MIS18BP1: variants seen among roughly 807,000 people sequenced by gnomAD.
The protein encoded by MIS18BP1 is mis18-binding protein 1.
A neutral mutation model predicts 116.1 loss-of-function variants in MIS18BP1; 72 were observed. That is an observed-to-expected ratio of 0.62 (90% CI 0.51 to 0.75). The LOEUF is 0.75. Among genes scored for constraint, MIS18BP1 ranks in the 30% least tolerant of loss-of-function variants. The probability of loss-of-function intolerance (pLI) is 0.00; values close to 1 mark genes in which losing one functional copy is unlikely to be tolerated. For missense variants in MIS18BP1, 1,363 were observed against 1,303.2 expected (o/e 1.05, Z -0.71); for synonymous variants, 386 against 427.0 (o/e 0.90, Z 1.18).
chr14:45,247,346 C>A lies in MIS18BP1; in HGVS notation c.-60G>T. 2.1e-6 allele frequency: 3 copies of A among 1,414,692 alleles called. No individual in the cohort carries two copies. The highest frequency in any genetic ancestry group is 2.8e-6 in the Non-Finnish European group (3 of 1,058,302). 87.6% of individuals were successfully genotyped at this position (1,414,692 alleles called of 1,614,324 possible). On this transcript the variant is annotated 5_prime_UTR_variant, in exon 2 of 17. Coordinates refer to ENST00000310806, the MANE Select transcript of MIS18BP1 (RefSeq NM_018353.5). ...AGAAAATTCACTTAAGCGCAATTTT[C>A]AGATAGAACTTCAGAAGGGATCCAC...
At chr14:45,234,672 G>T (rs1891375252) in intron 6 of MIS18BP1, among the ~76,000 whole-genome samples, 1 of 152,120 alleles carries the variant, frequency 6.6e-6, no homozygotes, top group Admixed American at 6.5e-5. Flanking sequence ...AAATATGGTA[G>T]GATACCAAGC....
In MIS18BP1 at chr14:45,204,192, T is replaced by C. The variant is rs371232277; in HGVS notation, c.3316A>G (p.Ile1106Val). ...ACAGCATTAGTGAAAAGTTTTCCAATACCAGAGTTTTCTCCTAAGTCTGTA... is the reference window on the plus strand; with the variant it reads ...ACAGCATTAGTGAAAAGTTTTCCAACACCAGAGTTTTCTCCTAAGTCTGTA... ...FNTDLGENSG[I>V]GKLFTNAVES... Residue 1106 changes from isoleucine (I) to valine (V), a missense_variant, in exon 17 of 17, where the codon ATT becomes GTT. Coordinates refer to ENST00000310806, the MANE Select transcript of MIS18BP1 (RefSeq NM_018353.5). The C allele has an allele frequency of 6.8e-6, 11 of 1,610,048 alleles. No individual in the cohort carries two copies. Among genetic ancestry groups the C allele is most frequent in the Non-Finnish European group, 9.3e-6 (11 of 1,178,696 alleles).
chr14:45,223,445 C>T (rs1044216332), intron 11 of MIS18BP1, among the ~76,000 whole-genome samples: 3 of 152,218 alleles, frequency 2.0e-5, no homozygotes, highest in Non-Finnish European at 2.9e-5. Flanking sequence ...GGCGTGGCAG[C>T]GTGCGCCTGT....
intron 14 of MIS18BP1, among the ~76,000 whole-genome samples, chr14:45,208,026 G>A (rs1055345287): frequency 2.0e-5 from 3 of 152,150 alleles, no homozygotes; most frequent in Non-Finnish European, 4.4e-5. Context: ...CTGGTGATGT[G>A]TAAGTTAAGA....
chr14:45,246,663 T>C, intron 2 of MIS18BP1, 80 bp downstream of exon 2: 3 of 1,361,076 alleles, frequency 2.2e-6, no homozygotes, highest in South Asian at 3.2e-5. Flanking sequence ...TTCACTGCTA[T>C]ATTCTGAGCA....
chr14:45,244,094 T>C (rs1249134653), intron 2 of MIS18BP1, among the ~76,000 whole-genome samples: 1 of 152,206 alleles, frequency 6.6e-6, no homozygotes, highest in Non-Finnish European at 1.5e-5. Flanking sequence ...GTCACTGTCT[T>C]GGAAATGCAA....
At position 45,247,371 on chromosome 14, in the gene MIS18BP1, C is replaced by T; in HGVS notation, c.-85G>A. The T allele has an allele frequency of 8.6e-7, 1 of 1,161,380 alleles. No individual in the cohort carries two copies. The highest frequency in any genetic ancestry group is 1.2e-6 in the Non-Finnish European group (1 of 838,120). The allele number at this position is 1,161,380 out of a possible 1,614,324, so 71.9% of individuals were successfully genotyped here. A position where few individuals can be genotyped will look rare whatever the true frequency, so the allele number is the denominator to read the frequency against. On this transcript the variant is annotated 5_prime_UTR_variant, in exon 2 of 17. In the 5' UTR this introduces an upstream ATG that the reference lacks. Transcript: ENST00000310806. ...CAGATAGAACTTCAGAAGGGATCCA[C>T]AGAAACCTGTAGTTCAACGTAAAAT... is the stretch of plus-strand genomic sequence containing the variant.
intron 14 of MIS18BP1, among the ~76,000 whole-genome samples, chr14:45,207,861 A>G (rs146684773): frequency 3.9e-5 from 6 of 152,316 alleles, no homozygotes; most frequent in African/African-American, 1.4e-4. Context: ...TTTTTTAAGA[A>G]AAAAGTTTCA....
intron 14 of MIS18BP1, among the ~76,000 whole-genome samples, chr14:45,207,241 C>G (rs1383402109): frequency 6.6e-6 from 1 of 152,170 alleles, no homozygotes; most frequent in Non-Finnish European, 1.5e-5. Context: ...ACCTGAGTAT[C>G]CTCTGTTCTT....
At chr14:45,214,102 A>G (rs112746409) in intron 13 of MIS18BP1, among the ~76,000 whole-genome samples, 12,599 of 152,162 alleles carry the variant, frequency 0.083, 646 homozygotes, top group South Asian at 0.16. Flanking sequence ...GCCTCGTGGG[A>G]AGGGAAAGAC....
intron 13 of MIS18BP1, among the ~76,000 whole-genome samples, chr14:45,213,630 T>C (rs945687997): frequency 6.6e-6 from 1 of 152,138 alleles, no homozygotes; most frequent in Non-Finnish European, 1.5e-5. Context: ...TACAAACAAA[T>C]CTGACCCTTC....
chr14:45,250,074 T>C (rs1375256323), intron 1 of MIS18BP1: 1 of 152,186 alleles, frequency 6.6e-6, no homozygotes, highest in East Asian at 1.9e-4. Flanking sequence ...AGTCAGATAA[T>C]TGTGGTCACG....
Position 45,224,628 on chromosome 14 carries a change from T to A in MIS18BP1, c.1959A>T (p.Thr653=), listed in dbSNP as rs1891075683. 6.2e-7 allele frequency: 1 copy of A among 1,613,478 alleles called. No homozygotes were observed. The highest frequency in any genetic ancestry group is 1.7e-5 in the Admixed American group (1 of 59,964). The part of the protein sequence containing the change: ...INQKKAYILV[T]PLKSRKVIEQ... The stretch of plus-strand genomic sequence containing the variant: ...CTATCACTTTTCTAGATTTAAGTGG[T>A]GTTACTAAAATATAAGCTTTCTTCT... Residue 653 remains threonine (T), a synonymous_variant, in exon 11 of 17, where the codon ACA becomes ACT. Transcript: ENST00000310806.
intron 15 of MIS18BP1, 99 bp from the exon 16 acceptor site, chr14:45,204,552 A>C (rs565618438): frequency 1.3e-6 from 1 of 759,508 alleles, no homozygotes; most frequent in Non-Finnish European, 2.1e-6. Flanking sequence ...GATTACTTTG[A>C]ACATATGCCT....
intron 8 of MIS18BP1, among the ~76,000 whole-genome samples, chr14:45,229,504 A>C: frequency 7.1e-6 from 1 of 140,760 alleles, no homozygotes; most frequent in East Asian, 2.0e-4. Context: ...ACCCTGTCTC[A>C]AAAAAAAAAA....
chr14:45,214,058 C>T (rs912930465), intron 13 of MIS18BP1, among the ~76,000 whole-genome samples: 4 of 152,174 alleles, frequency 2.6e-5, no homozygotes, highest in Admixed American at 6.5e-5. Flanking sequence ...AGGTATTGTC[C>T]AAGGTTTCTC....
rs759937479 is a variant in MIS18BP1 at position 45,247,016 on chromosome 14, C to T, written c.271G>A (p.Asp91Asn). The T allele has an allele frequency of 1.9e-6, 3 of 1,613,380 alleles. No homozygotes were observed. The highest frequency in any genetic ancestry group is 2.5e-6 in the Non-Finnish European group (3 of 1,179,900). ...TTGTTGGGCTTTATAGCACTGATATCAAGAGAACTGTTAGAGGTAGTAGCC... is the reference window on the plus strand; with the variant it reads ...TTGTTGGGCTTTATAGCACTGATATTAAGAGAACTGTTAGAGGTAGTAGCC... ...TEATTSNSSL[D>N]ISAIKPNKDG... The change falls in exon 2 of 17, where the codon GAT (aspartate) becomes AAT (asparagine). Residue 91 changes from aspartate to asparagine, a missense_variant. Transcript: ENST00000310806.
Position 45,242,889 on chromosome 14 carries a change from T to G in MIS18BP1, c.545-15A>C, listed in dbSNP as rs956770237. 6.5e-7 allele frequency: 1 copy of G among 1,530,448 alleles called. No individual in the cohort carries two copies. Among genetic ancestry groups the G allele is most frequent in the East Asian group, 2.2e-5 (1 of 44,512 alleles). The allele number at this position is 1,530,448 out of a possible 1,614,324, so 94.8% of individuals were successfully genotyped here. On this transcript the variant is annotated splice_polypyrimidine_tract_variant and intron_variant, in intron 2 of 16. Transcript: ENST00000310806. Reference sequence around the variant, plus strand: ...TTGGACTGAGGCTAAGGTTTTATTTTTTAAAGAAAGAAGAAGTTGAATTGT... The same window carrying G: ...TTGGACTGAGGCTAAGGTTTTATTTGTTAAAGAAAGAAGAAGTTGAATTGT...
chr14:45,244,590 C>G (rs1009937477), intron 2 of MIS18BP1, among the ~76,000 whole-genome samples: 4 of 152,158 alleles, frequency 2.6e-5, no homozygotes, highest in Non-Finnish European at 5.9e-5. Context: ...AGCATCTTAG[C>G]AGCAAAACAG....
Sources: gnomAD v4.1 joint callset for allele counts (sites outside exome capture counted in the v4.1 genomes callset) on GRCh38, gnomAD v4.1.1 for gene constraint, MANE v1.5 for transcripts, NCBI Gene and HGNC (gene_info 2026-07-23, HGNC 2026-07-21) for gene names.